The following DCAF4 variants were observed in gnomAD, a reference collection of about 807,000 sequenced individuals.
DCAF4 encodes DDB1- and CUL4-associated factor 4.
DCAF4 carries 37 observed loss-of-function variants against 60.9 expected under a neutral mutation model. The ratio of observed to expected loss-of-function variants is 0.61; its 90% CI spans 0.47 to 0.80. The LOEUF (loss-of-function observed/expected upper bound fraction) is 0.80, where lower values mean the gene tolerates loss of function less well. DCAF4 is among the 30% of genes least tolerant of loss of function. The pLI is 0.00. For missense variants in DCAF4, 577 were observed against 650.0 expected (o/e 0.89, Z 1.22); for synonymous variants, 243 against 254.8 (o/e 0.95, Z 0.44).
chr14:72,934,399 C>G (rs1163916069), intron 1 of DCAF4, among the ~76,000 whole-genome samples: 1 of 152,112 alleles, frequency 6.6e-6, no homozygotes, highest in East Asian at 1.9e-4. Context: ...GGTGATCCAC[C>G]CGTCTCGGCC....
chr14:72,933,254 T>C (rs535469681), intron 1 of DCAF4, among the ~76,000 whole-genome samples: 2 of 152,274 alleles, frequency 1.3e-5, no homozygotes, highest in Admixed American at 1.3e-4. Flanking sequence ...TGATGCATAC[T>C]GGGTTTTATA....
chr14:72,945,088 C>CA (rs973935484), intron 6 of DCAF4, among the ~76,000 whole-genome samples: 14 of 150,894 alleles, frequency 9.3e-5, no homozygotes, highest in Non-Finnish European at 1.5e-4. Context: ...GACTCCCTCT[C>CA]AAAAAAATTA....
chr14:72,927,443 C>CG (rs1887751300), intron 1 of DCAF4, among the ~76,000 whole-genome samples: 1 of 150,704 alleles, frequency 6.6e-6, no homozygotes, highest in African/African-American at 2.4e-5. Flanking sequence ...CCTCCGCCCC[C>CG]GGGGTTCACG....
intron 13 of DCAF4, chr14:72,956,871 C>T (rs964763212): frequency 1.2e-5 from 3 of 252,928 alleles, no homozygotes; most frequent in African/African-American, 7.0e-5. Flanking sequence ...TCTCTACTCA[C>T]ATTTCCACCA....
rs751349997 is a variant in DCAF4, at chr14:72,951,871, C to T, written c.802C>T (p.His268Tyr). Reference protein sequence around the residue: ...LLPASLFVNSHPGIDRPGMLC... With the variant: ...LLPASLFVNSYPGIDRPGMLC... ...CCCAGCATCACTGTTCGTCAATAGTCACCCAGGTACAGGGTTCTCCTCCTT... is the reference window on the plus strand; with the variant it reads ...CCCAGCATCACTGTTCGTCAATAGTTACCCAGGTACAGGGTTCTCCTCCTT... The change falls in exon 9 of 14, where the codon CAC becomes TAC. Residue 268 changes from histidine (H) to tyrosine (Y), a missense_variant. Transcript: ENST00000358377. 1.2e-5 allele frequency: 19 copies of T among 1,614,010 alleles called. No individual in the cohort carries two copies. Among genetic ancestry groups the T allele is most frequent in the Non-Finnish European group, 1.4e-5 (17 of 1,180,018 alleles).
At chr14:72,951,953 T>C in intron 9 of DCAF4, 76 bp downstream of exon 9, 1 of 1,488,226 alleles carries the variant, frequency 6.7e-7, no homozygotes, top group Non-Finnish European at 9.4e-7. Flanking sequence ...TAGAGAGAAG[T>C]ATGGGGCCGC....
intron 8 of DCAF4, 60 bp downstream of exon 8, chr14:72,947,251 G>C: frequency 6.3e-7 from 1 of 1,589,332 alleles, no homozygotes; most frequent in South Asian, 1.1e-5. Context: ...TTGGACCTGG[G>C]TATCTGTGGG....
chr14:72,955,754 G>GT, intron 12 of DCAF4, 58 bp downstream of exon 12: 4 of 1,509,732 alleles, frequency 2.6e-6, no homozygotes, highest in Non-Finnish European at 3.6e-6. Context: ...GCCCTGCCAG[G>GT]TGAAAGGGTT....
Position 72,945,937 on chromosome 14 carries a change from C to T in DCAF4, c.588C>T (p.Gly196=), listed in dbSNP as rs1235779967. 1 of 1,614,180 alleles carries T rather than the reference C, an allele frequency of 6.2e-7. No homozygotes were observed. Among genetic ancestry groups the T allele is most frequent in the Non-Finnish European group, 8.5e-7 (1 of 1,180,024 alleles). The stretch of plus-strand genomic sequence containing the variant: ...CAGTGAACGATGTTAAAGTTGGAGG[C>T]TCCAAGTATGGTATCATCAACCTGC... ...LFTVNDVKVG[G]SKYGIINLQS... is the part of the protein sequence containing the mutation. Residue 196 remains glycine (G), a synonymous_variant, in exon 7 of 14, where the codon GGC becomes GGT. Coordinates refer to ENST00000358377, the MANE Select transcript of DCAF4 (RefSeq NM_015604.4).
At chr14:72,928,959 C>T (rs1888105128) in intron 1 of DCAF4, among the ~76,000 whole-genome samples, 1 of 132,792 alleles carries the variant, frequency 7.5e-6, no homozygotes, top group South Asian at 2.4e-4. Flanking sequence ...ACCCCCTGTG[C>T]TGTCAAGCCT....
chr14:72,931,093 C>G (rs189463111), intron 1 of DCAF4, among the ~76,000 whole-genome samples: 2 of 152,106 alleles, frequency 1.3e-5, no homozygotes, highest in African/African-American at 4.8e-5. Flanking sequence ...TATTCTGGGT[C>G]CCTTGCATAA....
intron 5 of DCAF4, 105 bp from the exon 6 acceptor site, chr14:72,942,889 A>G: frequency 1.0e-6 from 1 of 955,936 alleles, no homozygotes; most frequent in Non-Finnish European, 1.6e-6. Context: ...GAGCAGGCTG[A>G]CGAGGAGAGA....
chr14:72,952,088 G>A (rs1891496501), intron 9 of DCAF4, among the ~76,000 whole-genome samples: 1 of 152,162 alleles, frequency 6.6e-6, no homozygotes, highest in Non-Finnish European at 1.5e-5. Flanking sequence ...TCAGCAGCCA[G>A]AGCAGACTTA....
At chr14:72,945,690 G>A (rs991916170) in intron 6 of DCAF4, among the ~76,000 whole-genome samples, 194 bp from the exon 7 acceptor site, 2 of 152,142 alleles carry the variant, frequency 1.3e-5, no homozygotes, top group South Asian at 2.1e-4. Flanking sequence ...GATCAGACAC[G>A]TGCTGGCTTT....
At chr14:72,956,955 G>A (rs543993410) in intron 13 of DCAF4, 44 of 202,340 alleles carry the variant, frequency 2.2e-4, no homozygotes, top group Admixed American at 1.9e-3. Flanking sequence ...GCTCACGCCC[G>A]TAATCCCAAC....
intron 1 of DCAF4, among the ~76,000 whole-genome samples, chr14:72,936,311 C>G (rs534899111): frequency 6.6e-6 from 1 of 152,340 alleles, no homozygotes. Context: ...CGCCTGTAAT[C>G]CCAGCACTTT....
chr14:72,941,549 A>T (rs756328538), intron 4 of DCAF4, among the ~76,000 whole-genome samples, 196 bp from the exon 5 acceptor site: 2 of 151,910 alleles, frequency 1.3e-5, no homozygotes, highest in East Asian at 3.9e-4. Context: ...TCCCACTCAC[A>T]CTTTCTTCTG....
intron 8 of DCAF4, among the ~76,000 whole-genome samples, 169 bp downstream of exon 8, chr14:72,947,360 G>A (rs1890869760): frequency 6.6e-6 from 1 of 152,212 alleles, no homozygotes. Context: ...TAGAACACAA[G>A]GATGCCCGTG....
Position 72,947,233 on chromosome 14 carries a change from C to T in DCAF4, c.728+42C>T, listed in dbSNP as rs199749299. 1,563 of 1,611,528 alleles carry T rather than the reference C, an allele frequency of 9.7e-4. 1 individual carries two copies. Among genetic ancestry groups the T allele is most frequent in the Non-Finnish European group, 1.2e-3 (1,458 of 1,178,066 alleles). ...GAAGAGGTTTGGTGGGCAGGCCACA[C>T]CCTGACGTTGGACCTGGGTATCTGT... On this transcript the variant is annotated intron_variant, in intron 8 of 13. Coordinates refer to ENST00000358377, the MANE Select transcript of DCAF4 (RefSeq NM_015604.4).
Sources: gnomAD v4.1 joint callset for allele counts (sites outside exome capture counted in the v4.1 genomes callset) on GRCh38, gnomAD v4.1.1 for gene constraint, MANE v1.5 for transcripts, NCBI Gene and HGNC (gene_info 2026-07-23, HGNC 2026-07-21) for gene names.